C1orf21: variants seen among roughly 807,000 people sequenced by gnomAD.
C1orf21 encodes the protein chromosome 1 open reading frame 21.
C1orf21 carries 3 observed loss-of-function variants against 18.7 expected under a neutral mutation model. That is an observed-to-expected ratio of 0.16 (90% CI 0.07 to 0.42). The LOEUF (loss-of-function observed/expected upper bound fraction) is 0.42. Among genes scored for constraint, C1orf21 ranks in the 10% least tolerant of loss-of-function variants. The pLI is 0.99. For synonymous variants in C1orf21, 41 were observed against 46.4 expected (o/e 0.88, Z 0.47); for missense variants, 104 against 143.6 (o/e 0.72, Z 1.41).
In C1orf21 at chr1:184,404,833, C is replaced by A. The variant is rs191587138; in HGVS notation, c.-125+17465C>A. Among the ~76,000 whole-genome samples the A allele has an allele frequency of 7.9e-5, 12 of 152,260 alleles. No individual in the cohort carries two copies. In the East Asian group the frequency reaches 2.3e-3, roughly 29 times the overall value. Reference sequence around the variant, plus strand: ...AGTCACTCTCTACCCCCTCGTGATGCGTCCTTTCATAGATTTGCTGGCCCT... The same window carrying A: ...AGTCACTCTCTACCCCCTCGTGATGAGTCCTTTCATAGATTTGCTGGCCCT... On this transcript the variant is annotated intron_variant, in intron 1 of 5. Transcript: ENST00000235307.
chr1:184,452,915 C>T (rs983457161), intron 1 of C1orf21, among the ~76,000 whole-genome samples: 2 of 151,920 alleles, frequency 1.3e-5, no homozygotes, highest in African/African-American at 2.4e-5. Context: ...ATTGTTTATG[C>T]CTTAAAAGTT....
At chr1:184,538,360 A>T (rs1658592472) in intron 3 of C1orf21, among the ~76,000 whole-genome samples, 1 of 152,116 alleles carries the variant, frequency 6.6e-6, no homozygotes, top group African/African-American at 2.4e-5. Flanking sequence ...ATATATTTTG[A>T]TATTAATCCC....
intron 1 of C1orf21, among the ~76,000 whole-genome samples, chr1:184,444,070 C>G (rs1024747241): frequency 6.6e-6 from 1 of 152,130 alleles, no homozygotes; most frequent in East Asian, 1.9e-4. Flanking sequence ...ACCTGTGTCT[C>G]CATGGAAGAT....
intron 1 of C1orf21, among the ~76,000 whole-genome samples, chr1:184,454,741 C>G (rs186787755): frequency 6.6e-6 from 1 of 152,216 alleles, no homozygotes; most frequent in East Asian, 1.9e-4. Flanking sequence ...TGTAAGCTTC[C>G]TGAGGCCTCC....
At chr1:184,519,357 T>A (rs1332163439) in intron 3 of C1orf21, among the ~76,000 whole-genome samples, 1 of 152,208 alleles carries the variant, frequency 6.6e-6, no homozygotes, top group African/African-American at 2.4e-5. Context: ...AACAATACTT[T>A]AGATTTCTGG....
chr1:184,451,685 A>C (rs1657125784), intron 1 of C1orf21, among the ~76,000 whole-genome samples: 1 of 152,080 alleles, frequency 6.6e-6, no homozygotes, highest in Non-Finnish European at 1.5e-5. Flanking sequence ...ACACACAGAC[A>C]CGTTTCTCTA....
intron 3 of C1orf21, among the ~76,000 whole-genome samples, chr1:184,555,982 C>G (rs1376412968): frequency 6.6e-6 from 1 of 152,112 alleles, no homozygotes; most frequent in East Asian, 1.9e-4. Flanking sequence ...TTACCATTTC[C>G]CTTCTTCTTT....
chr1:184,600,387 G>A (rs1422056651), intron 5 of C1orf21, among the ~76,000 whole-genome samples: 1 of 152,040 alleles, frequency 6.6e-6, no homozygotes, highest in East Asian at 1.9e-4. Flanking sequence ...GGCTGGTCTC[G>A]AACTCCTGAC....
chr1:184,611,111 T>C (rs952005232), intron 5 of C1orf21, among the ~76,000 whole-genome samples: 2 of 152,096 alleles, frequency 1.3e-5, no homozygotes, highest in African/African-American at 4.8e-5. Flanking sequence ...GCTGAAACAA[T>C]AACACGTGAG....
chr1:184,526,450 T>C (rs925184965), intron 3 of C1orf21, among the ~76,000 whole-genome samples: 2 of 152,184 alleles, frequency 1.3e-5, no homozygotes, highest in African/African-American at 4.8e-5. Flanking sequence ...TTCTTTTACT[T>C]GGGATCATTA....
chr1:184,584,297 A>G (rs1443128773), intron 3 of C1orf21, among the ~76,000 whole-genome samples: 2 of 151,934 alleles, frequency 1.3e-5, no homozygotes, highest in African/African-American at 4.8e-5. Context: ...CCTAAGGTGG[A>G]TTTTCTGGAG....
chr1:184,423,576 TGAG>T (rs1276038868), intron 1 of C1orf21, among the ~76,000 whole-genome samples: 1 of 152,000 alleles, frequency 6.6e-6, no homozygotes, highest in Non-Finnish European at 1.5e-5. Flanking sequence ...GAGAGAGAAA[TGAG>T]GAAATAAATA....
intron 1 of C1orf21, among the ~76,000 whole-genome samples, chr1:184,428,936 G>C (rs1485426358): frequency 6.6e-6 from 1 of 152,054 alleles, no homozygotes; most frequent in African/African-American, 2.4e-5. Flanking sequence ...ATGGACTCAG[G>C]GCAGGGGCTG....
At chr1:184,544,503 G>C (rs1658700078) in intron 3 of C1orf21, among the ~76,000 whole-genome samples, 1 of 152,136 alleles carries the variant, frequency 6.6e-6, no homozygotes. Flanking sequence ...GAGGATTTGG[G>C]GAAATCAGAG....
intron 2 of C1orf21, among the ~76,000 whole-genome samples, chr1:184,484,733 C>T (rs940900697): frequency 1.3e-5 from 2 of 152,180 alleles, no homozygotes; most frequent in Non-Finnish European, 2.9e-5. Context: ...GCAGTAAATT[C>T]TTCTGGAATG....
At chr1:184,437,207 A>C (rs1159669866) in intron 1 of C1orf21, among the ~76,000 whole-genome samples, 1 of 152,112 alleles carries the variant, frequency 6.6e-6, no homozygotes, top group Non-Finnish European at 1.5e-5. Context: ...ACCCCCCTAC[A>C]TTTCAACAAC....
chr1:184,452,124 T>C (rs1331867427), intron 1 of C1orf21, among the ~76,000 whole-genome samples: 1 of 152,180 alleles, frequency 6.6e-6, no homozygotes, highest in Non-Finnish European at 1.5e-5. Flanking sequence ...GACATGTCCA[T>C]GTGCAATGTA....
intron 3 of C1orf21, among the ~76,000 whole-genome samples, chr1:184,558,546 C>A (rs552108443): frequency 6.6e-6 from 1 of 152,314 alleles, no homozygotes; most frequent in South Asian, 2.1e-4. Flanking sequence ...ATGCAGCCAT[C>A]TATCCAATAT....
intron 1 of C1orf21, among the ~76,000 whole-genome samples, chr1:184,465,045 A>G (rs956239917): frequency 1.3e-5 from 2 of 152,182 alleles, no homozygotes; most frequent in African/African-American, 4.8e-5. Flanking sequence ...TGTTGGGATT[A>G]CAGGAGTGAG....
Sources: allele counts gnomAD v4.1 joint callset (sites outside exome capture counted in the v4.1 genomes callset), GRCh38; gene constraint gnomAD v4.1.1; transcripts MANE v1.5; gene names NCBI Gene and HGNC (gene_info 2026-07-23, HGNC 2026-07-21).